Variants in CNBD1 observed in about 807,000 individuals in gnomAD.
CNBD1 encodes the protein cyclic nucleotide-binding domain-containing protein 1.
Under a neutral mutation model 54.4 loss-of-function variants are expected in CNBD1, and 71 were observed. The ratio of observed to expected loss-of-function variants is 1.30; its 90% CI spans 1.08 to 1.59. CNBD1 has a LOEUF of 1.59. Ranked by LOEUF, CNBD1 falls within the 40% of genes most tolerant of loss-of-function variation. The probability of loss-of-function intolerance (pLI) is 0.00; values close to 1 mark genes in which losing one functional copy is unlikely to be tolerated. For synonymous variants in CNBD1, 182 were observed against 170.7 expected (o/e 1.07, Z -0.51); for missense variants, 659 against 518.0 (o/e 1.27, Z -2.64).
chr8:87,371,954 T>A (rs1810815249), intron 10 of CNBD1, among the ~76,000 whole-genome samples: 1 of 151,826 alleles, frequency 6.6e-6, no homozygotes, highest in South Asian at 2.1e-4. Flanking sequence ...CTCTCACCAC[T>A]CCTATTCAAC....
At chr8:87,335,095 G>A (rs1468760311) in intron 8 of CNBD1, among the ~76,000 whole-genome samples, 1 of 152,034 alleles carries the variant, frequency 6.6e-6, no homozygotes, top group Non-Finnish European at 1.5e-5. Flanking sequence ...CAGTTCTTTT[G>A]CATTTGCTGA....
At chr8:87,026,960 C>T (rs572155487) in intron 4 of CNBD1, among the ~76,000 whole-genome samples, 1 of 152,280 alleles carries the variant, frequency 6.6e-6, no homozygotes, top group East Asian at 1.9e-4. Flanking sequence ...AAAATGTATG[C>T]TGACAGTTCT....
chr8:87,330,664 C>G (rs921673032), intron 8 of CNBD1, among the ~76,000 whole-genome samples: 1 of 152,012 alleles, frequency 6.6e-6, no homozygotes, highest in East Asian at 1.9e-4. Flanking sequence ...TGTATGATTT[C>G]TTTTCTTTCA....
In CNBD1 at chr8:87,253,673, C is replaced by T. The variant is rs909903919; in HGVS notation, c.771+16561C>T. ...GTTTTAAGAAGGTTAATATTGTGGC[C>T]GAAATAGATAGATTGACAAACTAGA... On this transcript the variant is annotated intron_variant, in intron 6 of 10. Transcript: ENST00000518476. Among the ~76,000 whole-genome samples, 7 of 151,858 alleles carry T rather than the reference C, an allele frequency of 4.6e-5. No individual in the cohort carries two copies. The South Asian group carries it at 1.0e-3, about 23-fold the overall frequency.
intron 8 of CNBD1, among the ~76,000 whole-genome samples, chr8:87,339,541 C>G (rs1810023184): frequency 6.6e-6 from 1 of 152,072 alleles, no homozygotes; most frequent in Non-Finnish European, 1.5e-5. Flanking sequence ...GTTTGTTCAG[C>G]ATTTTGCTTG....
At chr8:87,357,839 G>T (rs1374449522) in intron 10 of CNBD1, among the ~76,000 whole-genome samples, 1 of 152,136 alleles carries the variant, frequency 6.6e-6, no homozygotes, top group African/African-American at 2.4e-5. Context: ...AGGTTGAAGG[G>T]TGATCCTCAT....
chr8:86,881,451 C>T (rs1037999674), intron 1 of CNBD1, among the ~76,000 whole-genome samples: 1 of 152,104 alleles, frequency 6.6e-6, no homozygotes, highest in African/African-American at 2.4e-5. Context: ...CCTAGGAATA[C>T]AGCTAACAAG....
intron 4 of CNBD1, among the ~76,000 whole-genome samples, chr8:87,007,481 G>T (rs1483240303): frequency 6.6e-6 from 1 of 151,998 alleles, no homozygotes; most frequent in Non-Finnish European, 1.5e-5. Context: ...TCAGTGCTAT[G>T]TTTTAGCAGC....
chr8:86,930,090 T>C (rs1344731907), intron 3 of CNBD1, among the ~76,000 whole-genome samples: 1 of 152,196 alleles, frequency 6.6e-6, no homozygotes, highest in Non-Finnish European at 1.5e-5. Context: ...CTGGGTCTCC[T>C]TGATTAGAGT....
intron 2 of CNBD1, among the ~76,000 whole-genome samples, chr8:86,902,828 C>T (rs1378945491): frequency 7.9e-5 from 12 of 152,100 alleles, no homozygotes; most frequent in Middle Eastern, 3.4e-3. Flanking sequence ...TAATGCTAAA[C>T]ATTTCTTTGT....
At chr8:87,164,579 T>C (rs1427065498) in intron 4 of CNBD1, among the ~76,000 whole-genome samples, 1 of 151,806 alleles carries the variant, frequency 6.6e-6, no homozygotes, top group Non-Finnish European at 1.5e-5. Flanking sequence ...TTTGTTGGCA[T>C]ATAATTGTTT....
At chr8:87,252,968 CAAT>C (rs1448204998) in intron 6 of CNBD1, among the ~76,000 whole-genome samples, 3 of 151,986 alleles carry the variant, frequency 2.0e-5, no homozygotes, top group South Asian at 2.1e-4. Flanking sequence ...ACGTTTTAAA[CAAT>C]GATTTAGAAA....
chr8:87,019,788 G>T (rs1809445011), intron 4 of CNBD1, among the ~76,000 whole-genome samples: 1 of 152,136 alleles, frequency 6.6e-6, no homozygotes, highest in Non-Finnish European at 1.5e-5. Context: ...TGAGGCAGGA[G>T]AATCGCTTGA....
chr8:87,306,492 C>A (rs1450725519), intron 8 of CNBD1, among the ~76,000 whole-genome samples: 1 of 152,130 alleles, frequency 6.6e-6, no homozygotes, highest in African/African-American at 2.4e-5. Flanking sequence ...ATCATGGAAC[C>A]AATCCAAATG....
chr8:87,270,278 C>CA (rs1808335558), intron 6 of CNBD1, among the ~76,000 whole-genome samples: 1 of 151,714 alleles, frequency 6.6e-6, no homozygotes, highest in African/African-American at 2.4e-5. Context: ...GAAAAACAAA[C>CA]AACCTCATTA....
In CNBD1 at chr8:87,302,672, A is replaced by G. The variant is rs562991252; in HGVS notation, c.1042+16001A>G. ...AGGAGAAGGAAATAAAGGGTATTCAATTAGGAAAAGAGGAAGTCAAATTGT... is the reference window on the plus strand; with the variant it reads ...AGGAGAAGGAAATAAAGGGTATTCAGTTAGGAAAAGAGGAAGTCAAATTGT... On this transcript the variant is annotated intron_variant, in intron 8 of 10. Coordinates refer to ENST00000518476, the MANE Select transcript of CNBD1 (RefSeq NM_173538.3). Among the ~76,000 whole-genome samples, 16 of 152,004 alleles carry G rather than the reference A, an allele frequency of 1.1e-4. 1 individual carries two copies. Among genetic ancestry groups the G allele is most frequent in the South Asian group, 4.2e-4 (2 of 4,790 alleles).
At chr8:87,300,693 A>G (rs1033918087) in intron 8 of CNBD1, among the ~76,000 whole-genome samples, 2 of 52 alleles carry the variant, frequency 0.038, no homozygotes, top group African/African-American at 0.071. Context: ...TTAGATGTAT[A>G]TGTGTGTGAT....
chr8:87,223,327 G>T (rs1222434098), intron 5 of CNBD1, among the ~76,000 whole-genome samples: 1 of 151,292 alleles, frequency 6.6e-6, no homozygotes, highest in Non-Finnish European at 1.5e-5. Flanking sequence ...TGCCATGCTG[G>T]TGTGCTGCAC....
chr8:87,356,770 G>A lies in CNBD1; in HGVS notation c.1303+2984G>A, dbSNP rs546045629. 5.3e-5 allele frequency among the ~76,000 whole-genome samples: 8 copies of A among 152,312 alleles called. No homozygotes were observed. The South Asian group carries it at 1.7e-3, about 32-fold the overall frequency. ...GAGCAACAACTTGCTAGAGGGATTA[G>A]CTTGACTAAAAGGGAGACAAGTGCC... On this transcript the variant is annotated intron_variant, in intron 10 of 10. Transcript: ENST00000518476.
Sources: allele counts gnomAD v4.1 joint callset (sites outside exome capture counted in the v4.1 genomes callset), GRCh38; gene constraint gnomAD v4.1.1; transcripts MANE v1.5; gene names NCBI Gene and HGNC (gene_info 2026-07-23, HGNC 2026-07-21).